Variants in ABCE1 observed in about 807,000 individuals in gnomAD.
ABCE1 encodes ATP binding cassette subfamily E member 1.
Under a neutral mutation model 83.4 loss-of-function variants are expected in ABCE1, and 22 were observed. The observed-to-expected ratio is 0.26, with a 90% CI of 0.19 to 0.38. ABCE1 has a LOEUF of 0.38. Among genes scored for constraint, ABCE1 ranks in the 10% least tolerant of loss-of-function variants. ABCE1 has a pLI of 1.00. For missense variants in ABCE1, 330 were observed against 721.9 expected (o/e 0.46, Z 6.22); for synonymous variants, 204 against 233.7 (o/e 0.87, Z 1.16).
At chr4:145,106,522 T>C (rs573277786) in intron 3 of ABCE1, among the ~76,000 whole-genome samples, 8 of 152,214 alleles carry the variant, frequency 5.3e-5, no homozygotes, top group African/African-American at 1.4e-4. Context: ...ATATAGTATC[T>C]ATTCTGTTTT....
rs1360813875 is a variant in ABCE1 at position 145,107,997 on chromosome 4, C to A, written c.190-18C>A. 38 of 1,590,352 alleles carry A rather than the reference C, an allele frequency of 2.4e-5. No individual in the cohort carries two copies. The Admixed American group carries it at 5.7e-4, about 24-fold the overall frequency. On this transcript the variant is annotated intron_variant, in intron 3 of 17. Coordinates refer to ENST00000296577, the MANE Select transcript of ABCE1 (RefSeq NM_002940.3). ...CTACAAATTAATACAAAAATTAATT[C>A]TTTACTTTAAATAACAGAAATGCCC...
chr4:145,117,446 T>G, intron 10 of ABCE1, 32 bp downstream of exon 10: 1 of 1,601,142 alleles, frequency 6.2e-7, no homozygotes. Context: ...ACATATGCTG[T>G]ATTCTCTTCT....
intron 17 of ABCE1, among the ~76,000 whole-genome samples, chr4:145,126,139 T>G (rs915306174): frequency 1.3e-5 from 2 of 152,184 alleles, no homozygotes; most frequent in South Asian, 4.1e-4. Flanking sequence ...ATTGACAATG[T>G]TTTTTGTCTT....
Position 145,099,135 on chromosome 4 carries a change from T to C in ABCE1, c.-28+716T>C, listed in dbSNP as rs888754391. Among the ~76,000 whole-genome samples the C allele has an allele frequency of 2.6e-5, 4 of 152,328 alleles. No individual in the cohort carries two copies. In the East Asian group the frequency reaches 7.7e-4, roughly 29 times the overall value. On this transcript the variant is annotated intron_variant, in intron 1 of 17. Transcript: ENST00000296577. ...CTCATTGAGATCAAGGTTGATGTCT[T>C]TACTCAGAATACCTTTATTATCTCT...
intron 1 of ABCE1, 36 bp from the exon 2 acceptor site, chr4:145,104,350 C>T: frequency 9.6e-7 from 1 of 1,042,734 alleles, no homozygotes. Context: ...GTTCCCTTAA[C>T]TAATGGCATT....
In ABCE1 at chr4:145,108,983, C is replaced by G. The variant is rs575142173; in HGVS notation, c.288-149C>G. 67 of 554,920 alleles carry G rather than the reference C, an allele frequency of 1.2e-4. No homozygotes were observed. The African/African-American group carries it at 1.2e-3, about 10-fold the overall frequency. 34.4% of individuals were successfully genotyped at this position (554,920 alleles called of 1,614,324 possible). ...GCCATTAATCTTGGCTGTTTTTTTC[C>G]TAATAGCCAGTAATATCTGGCATAT... On this transcript the variant is annotated intron_variant, in intron 4 of 17. Transcript: ENST00000296577.
At position 145,110,104 on chromosome 4, in the gene ABCE1, A is replaced by C; in HGVS notation, c.407A>C (p.Asp136Ala). The part of the protein sequence containing the change: ...KQKPNLGKYD[D>A]PPDWQEILTY... ...TCTGTATTTTTTTTTTTTTTTTAGGATCCTCCTGACTGGCAGGAGATTTTG... is the reference window on the plus strand; with the variant it reads ...TCTGTATTTTTTTTTTTTTTTTAGGCTCCTCCTGACTGGCAGGAGATTTTG... Residue 136 changes from aspartate (D) to alanine (A), a missense_variant and splice_region_variant, in exon 6 of 18, where the codon GAT becomes GCT. By Grantham distance (126) the Asp-to-Ala change is moderately radical. Transcript: ENST00000296577. 1 of 1,536,576 alleles carries C rather than the reference A, an allele frequency of 6.5e-7. No homozygotes were observed. The highest frequency in any genetic ancestry group is 8.7e-7 in the Non-Finnish European group (1 of 1,149,730).
At chr4:145,117,478 A>G in intron 10 of ABCE1, 64 bp downstream of exon 10, 4 of 1,477,608 alleles carry the variant, frequency 2.7e-6, no homozygotes, top group Non-Finnish European at 3.7e-6. Flanking sequence ...TATAAACTAC[A>G]TTATTGATAT....
intron 1 of ABCE1, among the ~76,000 whole-genome samples, chr4:145,099,140 C>A (rs1475313216): frequency 6.6e-6 from 1 of 152,146 alleles, no homozygotes; most frequent in Non-Finnish European, 1.5e-5. Flanking sequence ...TGTCTTTACT[C>A]AGAATACCTT....
rs375387570 is a variant in ABCE1 at position 145,127,636 on chromosome 4, A to G, written c.*63A>G. ...GGAGTATTTACTAGAATTTTTTGTC[A>G]TATAAAACTTGAATCAGGATTTTAT... On this transcript the variant is annotated 3_prime_UTR_variant, in exon 18 of 18. Coordinates refer to ENST00000296577, the MANE Select transcript of ABCE1 (RefSeq NM_002940.3). The G allele has an allele frequency of 1.2e-3, 1,653 of 1,337,678 alleles. 1 individual carries two copies. The highest frequency in any genetic ancestry group is 1.6e-3 in the Non-Finnish European group (1,574 of 988,994). 82.9% of individuals were successfully genotyped at this position (1,337,678 alleles called of 1,614,324 possible). A position where few individuals can be genotyped will look rare whatever the true frequency, so the allele number is the denominator to read the frequency against.
At chr4:145,127,217 A>G (rs1749910711) in intron 17 of ABCE1, among the ~76,000 whole-genome samples, 1 of 152,194 alleles carries the variant, frequency 6.6e-6, no homozygotes, top group Non-Finnish European at 1.5e-5. Flanking sequence ...CATTGATGAA[A>G]ATGGAATTTA....
rs1329829181 is a variant in ABCE1, at chr4:145,128,213, C to T, written c.*640C>T. 6.6e-6 allele frequency: 1 copy of T among 152,446 alleles called. No individual in the cohort carries two copies. The highest frequency in any genetic ancestry group is 2.4e-5 in the African/African-American group (1 of 41,396). 9.4% of individuals were successfully genotyped at this position (152,446 alleles called of 1,614,324 possible). A position where few individuals can be genotyped will look rare whatever the true frequency, so the allele number is the denominator to read the frequency against. On this transcript the variant is annotated 3_prime_UTR_variant, in exon 18 of 18. Transcript: ENST00000296577. Reference sequence around the variant, plus strand: ...AGCAAAAACCAATTCAGTTCCATTCCCCGCAAAAAACCCCTAACTTTACTC... The same window carrying T: ...AGCAAAAACCAATTCAGTTCCATTCTCCGCAAAAAACCCCTAACTTTACTC...
intron 17 of ABCE1, among the ~76,000 whole-genome samples, chr4:145,125,518 A>G (rs1009474849): frequency 9.2e-5 from 14 of 152,082 alleles, no homozygotes; most frequent in African/African-American, 3.1e-4. Context: ...TAAAATTCCT[A>G]TGTTTTTTAC....
chr4:145,110,480 T>A, intron 7 of ABCE1, 36 bp downstream of exon 7: 1 of 1,582,730 alleles, frequency 6.3e-7, no homozygotes, highest in Non-Finnish European at 8.7e-7. Context: ...GAATATATAT[T>A]TATTTATTTT....
chr4:145,127,457 G>GTT (rs1465617971), intron 17 of ABCE1, 69 bp from the exon 18 acceptor site: 1 of 1,372,738 alleles, frequency 7.3e-7, no homozygotes, highest in Non-Finnish European at 1.0e-6. Flanking sequence ...AATACCATGA[G>GTT]TGAAAGTCTA....
Position 145,110,084 on chromosome 4 carries a change from ATTTTT to A in ABCE1, c.406-7_406-3del. The A allele has an allele frequency of 2.2e-6, 3 of 1,365,002 alleles. No homozygotes were observed. Among genetic ancestry groups the A allele is most frequent in the Admixed American group, 2.6e-5 (1 of 38,104 alleles). The allele number at this position is 1,365,002 out of a possible 1,614,324, so 84.6% of individuals were successfully genotyped here. The stretch of plus-strand genomic sequence containing the variant: ...TATTATTAAATTCACATGATTCTGT[ATTTTT>A]TTTTTTTTTTTAGGATCCTCCTGAC... On this transcript the variant is annotated splice_polypyrimidine_tract_variant and intron_variant, in intron 5 of 17. Coordinates refer to ENST00000296577, the MANE Select transcript of ABCE1 (RefSeq NM_002940.3).
intron 10 of ABCE1, among the ~76,000 whole-genome samples, chr4:145,119,394 T>C (rs1297031507): frequency 1.3e-5 from 2 of 152,088 alleles, no homozygotes; most frequent in East Asian, 3.9e-4. Context: ...GGTTGTTATC[T>C]TTGTACAGTG....
chr4:145,099,142 G>T (rs993184031), intron 1 of ABCE1, among the ~76,000 whole-genome samples: 1 of 152,140 alleles, frequency 6.6e-6, no homozygotes, highest in African/African-American at 2.4e-5. Flanking sequence ...TCTTTACTCA[G>T]AATACCTTTA....
At position 145,123,903 on chromosome 4, in the gene ABCE1, G is replaced by C. The variant is rs570832958; in HGVS notation, c.1640+303G>C. On this transcript the variant is annotated intron_variant, in intron 16 of 17. Coordinates refer to ENST00000296577, the MANE Select transcript of ABCE1 (RefSeq NM_002940.3). ...TTTATTATTTGAATTTCCCAAAAAA[G>C]ATTGAAAACTATTGCTTTCATACAT... The C allele has an allele frequency of 9.5e-5, 18 of 190,026 alleles. No homozygotes were observed. In the South Asian group the frequency reaches 1.4e-3, roughly 15 times the overall value. 11.8% of individuals were successfully genotyped at this position (190,026 alleles called of 1,614,324 possible). A position where few individuals can be genotyped will look rare whatever the true frequency, so the allele number is the denominator to read the frequency against.
Sources: allele counts gnomAD v4.1 joint callset (sites outside exome capture counted in the v4.1 genomes callset), GRCh38; gene constraint gnomAD v4.1.1; transcripts MANE v1.5; gene names NCBI Gene and HGNC (gene_info 2026-07-23, HGNC 2026-07-21).